PHF2: variants seen among roughly 807,000 people sequenced by gnomAD.
PHF2 encodes lysine-specific demethylase PHF2.
PHF2 carries 27 observed loss-of-function variants against 120.5 expected under a neutral mutation model. That is an observed-to-expected ratio of 0.22 (90% CI 0.17 to 0.31). PHF2 has a LOEUF of 0.31. PHF2 is among the 10% of genes least tolerant of loss of function. The probability of loss-of-function intolerance (pLI) is 1.00; values close to 1 mark genes in which losing one functional copy is unlikely to be tolerated. For synonymous variants in PHF2, 568 were observed against 592.5 expected (o/e 0.96, Z 0.60); for missense variants, 1,024 against 1,434.8 (o/e 0.71, Z 4.63).
chr9:93,613,450 G>C (rs563171464), intron 1 of PHF2, among the ~76,000 whole-genome samples: 1 of 152,200 alleles, frequency 6.6e-6, no homozygotes, highest in South Asian at 2.1e-4. Flanking sequence ...TTGGCCAAGG[G>C]CCCTAAAACA....
intron 1 of PHF2, among the ~76,000 whole-genome samples, chr9:93,610,561 G>C (rs1476929127): frequency 1.3e-5 from 2 of 152,168 alleles, no homozygotes; most frequent in Non-Finnish European, 2.9e-5. Context: ...TGCAACATCA[G>C]TGCCATCTCT....
At chr9:93,586,467 GGCT>G (rs1863046233) in intron 1 of PHF2, among the ~76,000 whole-genome samples, 1 of 152,248 alleles carries the variant, frequency 6.6e-6, no homozygotes. Context: ...TGGATGGAGG[GGCT>G]ACTCAGGAGA....
chr9:93,609,519 C>T (rs2265576), intron 1 of PHF2, among the ~76,000 whole-genome samples: 47,575 of 150,482 alleles, frequency 0.32, 8,261 homozygotes, highest in South Asian at 0.61. Flanking sequence ...TCACTTTTGA[C>T]GGATAATTTT....
intron 1 of PHF2, among the ~76,000 whole-genome samples, chr9:93,601,537 A>C (rs900176648): frequency 4.6e-5 from 7 of 152,038 alleles, no homozygotes; most frequent in Non-Finnish European, 8.8e-5. Context: ...CAAATGTTTT[A>C]GATTGGCATT....
At chr9:93,657,856 G>A (rs911438350) in intron 9 of PHF2, among the ~76,000 whole-genome samples, 1 of 152,204 alleles carries the variant, frequency 6.6e-6, no homozygotes, top group South Asian at 2.1e-4. Context: ...TAGGGCTGGG[G>A]TATTGGGCAG....
intron 14 of PHF2, among the ~76,000 whole-genome samples, chr9:93,665,447 A>G (rs908503954): frequency 6.6e-6 from 1 of 152,202 alleles, no homozygotes; most frequent in African/African-American, 2.4e-5. Context: ...ATAGCTTCCC[A>G]CAGTGGGGAC....
chr9:93,645,810 A>G (rs565561378), intron 4 of PHF2, 21 bp downstream of exon 4: 87 of 1,554,624 alleles, frequency 5.6e-5, no homozygotes, highest in Non-Finnish European at 7.1e-5. Context: ...TCCCCTTCAC[A>G]GTGCTCTGGG....
At chr9:93,631,163 T>C (rs1013420049) in intron 2 of PHF2, among the ~76,000 whole-genome samples, 5 of 152,044 alleles carry the variant, frequency 3.3e-5, no homozygotes, top group African/African-American at 1.2e-4. Context: ...TGAGGCTGGG[T>C]CGAGGGAGCC....
rs537331860 is a variant in PHF2 at position 93,595,867 on chromosome 9, C to A, written c.98+18996C>A. ...ATTTTCTCTATAATCCCTGAGTGGG[C>A]AAATTTATAAGGGTTGTGTTAATGT... On this transcript the variant is annotated intron_variant, in intron 1 of 21. Transcript: ENST00000359246. Among the ~76,000 whole-genome samples, 53 of 152,318 alleles carry A rather than the reference C, an allele frequency of 3.5e-4. 2 individuals carry two copies. The South Asian group carries it at 6.6e-3, about 19-fold the overall frequency.
At position 93,669,154 on chromosome 9, in the gene PHF2, C is replaced by T. The variant is rs564410674; in HGVS notation, c.2348+1914C>T. ...TCCTCACCCTCTTGGGTTGCCCAGA[C>T]GGCATGGCATGGACCCTCGTAGTGG... On this transcript the variant is annotated intron_variant, in intron 17 of 21. Coordinates refer to ENST00000359246, the MANE Select transcript of PHF2 (RefSeq NM_005392.4). Among the ~76,000 whole-genome samples, 38 of 152,350 alleles carry T rather than the reference C, an allele frequency of 2.5e-4. No individual in the cohort carries two copies. In the South Asian group the frequency reaches 6.6e-3, roughly 27 times the overall value.
intron 12 of PHF2, among the ~76,000 whole-genome samples, chr9:93,661,590 AATGG>A (rs958218009): frequency 5.3e-5 from 8 of 151,548 alleles, no homozygotes; most frequent in Non-Finnish European, 7.4e-5. Context: ...TGGATGAATA[AATGG>A]ATGGATGGGT....
intron 1 of PHF2, among the ~76,000 whole-genome samples, chr9:93,583,459 C>G (rs1862971289): frequency 6.6e-6 from 1 of 152,188 alleles, no homozygotes; most frequent in South Asian, 2.1e-4. Context: ...TATGGTAACT[C>G]TATGTTTAAC....
chr9:93,627,492 A>ATGTTTTTTTTTTTTTTTTTTT (rs1825931883), intron 1 of PHF2, among the ~76,000 whole-genome samples: 2 of 108,176 alleles, frequency 1.8e-5, no homozygotes, highest in African/African-American at 3.8e-5. Flanking sequence ...TTATTTCAGG[A>ATGTTTTTTTTTTTTTTTTTTT]TTTTTTTTTT....
intron 1 of PHF2, among the ~76,000 whole-genome samples, chr9:93,583,818 TTTC>T: frequency 7.2e-6 from 1 of 138,460 alleles, no homozygotes. Flanking sequence ...TATCCTTTTT[TTTC>T]TTTTCTTTTT....
chr9:93,643,431 G>A (rs989621480), intron 3 of PHF2, among the ~76,000 whole-genome samples: 1 of 152,072 alleles, frequency 6.6e-6, no homozygotes, highest in African/African-American at 2.4e-5. Context: ...CTTCCCACAC[G>A]GTTGCCTGTA....
chr9:93,668,571 G>T (rs1378603316), intron 17 of PHF2, among the ~76,000 whole-genome samples: 1 of 152,186 alleles, frequency 6.6e-6, no homozygotes, highest in Non-Finnish European at 1.5e-5. Flanking sequence ...GGGGCCACCA[G>T]GTGCTTTATT....
rs1447267002 is a variant in PHF2 at position 93,648,985 on chromosome 9, AGT to A, written c.461-79_461-78del. ...CCTGCTGTGTGTGAGGGCAGCCAAGAGTGTGTGTCCACTCCACACGTCCTGGC... is the reference window on the plus strand; with the variant it reads ...CCTGCTGTGTGTGAGGGCAGCCAAGAGTGTGTCCACTCCACACGTCCTGGC... On this transcript the variant is annotated intron_variant, in intron 4 of 21. Transcript: ENST00000359246. The A allele has an allele frequency of 7.6e-6, 11 of 1,452,370 alleles. No homozygotes were observed. In the South Asian group the frequency reaches 1.2e-4, roughly 16 times the overall value. 90.0% of individuals were successfully genotyped at this position (1,452,370 alleles called of 1,614,324 possible).
At chr9:93,583,057 C>T (rs1361507201) in intron 1 of PHF2, among the ~76,000 whole-genome samples, 1 of 152,212 alleles carries the variant, frequency 6.6e-6, no homozygotes, top group East Asian at 1.9e-4. Context: ...TAAGTAGTCA[C>T]TGCCCTTTCT....
chr9:93,604,464 T>C (rs1376835519), intron 1 of PHF2, among the ~76,000 whole-genome samples: 1 of 151,480 alleles, frequency 6.6e-6, no homozygotes, highest in African/African-American at 2.4e-5. Flanking sequence ...TTCTTTATTT[T>C]CTTTCTTTTT....
Sources: gnomAD v4.1 joint callset for allele counts (sites outside exome capture counted in the v4.1 genomes callset) on GRCh38, gnomAD v4.1.1 for gene constraint, MANE v1.5 for transcripts, NCBI Gene and HGNC (gene_info 2026-07-23, HGNC 2026-07-21) for gene names.